Variants in PAX5 observed in about 807,000 individuals in gnomAD.
The protein encoded by PAX5 is paired box protein Pax-5.
PAX5 carries 9 observed loss-of-function variants against 43.7 expected under a neutral mutation model. That is an observed-to-expected ratio of 0.21 (90% CI 0.12 to 0.36). The LOEUF (loss-of-function observed/expected upper bound fraction) is 0.36, where lower values mean the gene tolerates loss of function less well. PAX5 is among the 10% of genes least tolerant of loss of function. The pLI is 1.00. For synonymous variants in PAX5, 228 were observed against 214.3 expected, an observed-to-expected ratio of 1.06 and a Z score of -0.56; for missense variants, 383 against 532.7, an observed-to-expected ratio of 0.72 and a Z score of 2.77.
chr9:36,949,885 A>T (rs192845518), intron 6 of PAX5, among the ~76,000 whole-genome samples: 29 of 152,252 alleles, frequency 1.9e-4, no homozygotes, highest in Admixed American at 3.9e-4. Context: ...AAATGCGGCC[A>T]TTCCTCCTGG....
At chr9:36,854,444 C>T (rs1310185313) in intron 8 of PAX5, among the ~76,000 whole-genome samples, 2 of 152,182 alleles carry the variant, frequency 1.3e-5, no homozygotes, top group East Asian at 3.8e-4. Flanking sequence ...CACACATACA[C>T]ACACACTGGA....
intron 6 of PAX5, among the ~76,000 whole-genome samples, chr9:36,948,854 C>T (rs919841907): frequency 2.0e-5 from 3 of 151,978 alleles, no homozygotes; most frequent in African/African-American, 7.3e-5. Flanking sequence ...CCCAGCCCTA[C>T]CCACCTGAGC....
intron 8 of PAX5, 109 bp downstream of exon 8, chr9:36,881,895 G>A (rs745391485): frequency 1.2e-6 from 1 of 821,996 alleles, no homozygotes; most frequent in Non-Finnish European, 2.0e-6. Context: ...ATTTATTCAG[G>A]TCCGCTTCTC....
intron 7 of PAX5, among the ~76,000 whole-genome samples, chr9:36,893,693 C>G (rs1563939774): frequency 6.6e-6 from 1 of 152,144 alleles, no homozygotes; most frequent in Non-Finnish European, 1.5e-5. Flanking sequence ...AGGACAGAGA[C>G]AGGAAAACAA....
In PAX5 at chr9:37,034,145, C is replaced by CA; in HGVS notation, c.-115dup. On this transcript the variant is annotated 5_prime_UTR_variant, in exon 1 of 10. Transcript: ENST00000358127. ...TTTTTTTGGTGCCAGGGGCCGCTCA[C>CA]AGGTCGGAATAATTCAAGCCTTCCG... 1 of 613,270 alleles carries CA rather than the reference C, an allele frequency of 1.6e-6. No homozygotes were observed. The highest frequency in any genetic ancestry group is 3.2e-5 in the East Asian group (1 of 31,632). The allele number at this position is 613,270 out of a possible 1,614,324, so 38.0% of individuals were successfully genotyped here.
chr9:36,981,984 G>A (rs1184787629), intron 5 of PAX5, among the ~76,000 whole-genome samples: 1 of 152,248 alleles, frequency 6.6e-6, no homozygotes, highest in Non-Finnish European at 1.5e-5. Flanking sequence ...AAGAACAAGG[G>A]ATGGACCCTG....
intron 5 of PAX5, among the ~76,000 whole-genome samples, chr9:36,969,949 C>T (rs1834796639): frequency 6.6e-6 from 1 of 152,214 alleles, no homozygotes; most frequent in African/African-American, 2.4e-5. Flanking sequence ...ATTAGTTATT[C>T]ATTGGTTTAA....
chr9:36,991,108 CA>C (rs58025570), intron 5 of PAX5, among the ~76,000 whole-genome samples: 28,566 of 142,150 alleles, frequency 0.2, 2,660 homozygotes, highest in South Asian at 0.3. Flanking sequence ...GACCTTGTCT[CA>C]AAAAAAAAAA....
At chr9:36,949,455 A>G (rs976567206) in intron 6 of PAX5, among the ~76,000 whole-genome samples, 1 of 152,250 alleles carries the variant, frequency 6.6e-6, no homozygotes, top group Non-Finnish European at 1.5e-5. Context: ...AACTTTGTAC[A>G]CAAAGGAAGA....
At chr9:36,974,189 A>C (rs1028388747) in intron 5 of PAX5, among the ~76,000 whole-genome samples, 1 of 152,090 alleles carries the variant, frequency 6.6e-6, no homozygotes, top group East Asian at 1.9e-4. Flanking sequence ...CTAAAAAAAA[A>C]CCAAATAATT....
In PAX5 at chr9:36,840,349, G is replaced by T; in HGVS notation, c.*211C>A. ...GGCCATCGGGAGAAGCTCATAGATT[G>T]GCTTTTAGAAATAGACAAGCATCCA... On this transcript the variant is annotated 3_prime_UTR_variant, in exon 10 of 10. Coordinates refer to ENST00000358127, the MANE Select transcript of PAX5 (RefSeq NM_016734.3). The T allele has an allele frequency of 1.6e-6, 1 of 622,202 alleles. No individual in the cohort carries two copies. The highest frequency in any genetic ancestry group is 2.9e-6 in the Non-Finnish European group (1 of 350,030). 38.5% of individuals were successfully genotyped at this position (622,202 alleles called of 1,614,324 possible).
intron 6 of PAX5, 72 bp downstream of exon 6, chr9:36,966,477 C>T: frequency 2.6e-6 from 4 of 1,537,474 alleles, no homozygotes; most frequent in Non-Finnish European, 3.6e-6. Flanking sequence ...CGCCAGATGC[C>T]TCTGCCTTCA....
chr9:37,012,314 T>C (rs759775015), intron 3 of PAX5, among the ~76,000 whole-genome samples: 1 of 152,200 alleles, frequency 6.6e-6, no homozygotes, highest in African/African-American at 2.4e-5. Flanking sequence ...CCTTTTACCG[T>C]TGGGAAACCT....
chr9:36,891,719 G>A (rs571489841), intron 7 of PAX5, among the ~76,000 whole-genome samples: 23 of 152,212 alleles, frequency 1.5e-4, no homozygotes, highest in Non-Finnish European at 2.8e-4. Flanking sequence ...TTTGGGTGGT[G>A]TTATTGACTT....
chr9:37,010,453 C>T (rs923191837), intron 3 of PAX5, among the ~76,000 whole-genome samples: 1 of 152,176 alleles, frequency 6.6e-6, no homozygotes, highest in Non-Finnish European at 1.5e-5. Context: ...GAAGCGCGGT[C>T]CCTCTGCTAA....
At chr9:36,840,678 C>T (rs1472212332) in intron 9 of PAX5, 42 bp from the exon 10 acceptor site, 3 of 1,281,900 alleles carry the variant, frequency 2.3e-6, no homozygotes, top group Non-Finnish European at 3.3e-6. Context: ...GATCCGGGGT[C>T]CCCTTTCCAC....
At chr9:36,969,890 T>C (rs1398070593) in intron 5 of PAX5, among the ~76,000 whole-genome samples, 2 of 152,236 alleles carry the variant, frequency 1.3e-5, no homozygotes, top group South Asian at 2.1e-4. Context: ...ATAATGGCAA[T>C]AGTGTCTGTC....
At chr9:37,002,929 C>T (rs2132400629) in intron 4 of PAX5, 153 bp from the exon 5 acceptor site, 1 of 891,720 alleles carries the variant, frequency 1.1e-6, no homozygotes, top group Non-Finnish European at 1.6e-6. Context: ...GCGGCCACAC[C>T]TGAGCCACGA....
At chr9:36,895,437 G>A (rs936367792) in intron 7 of PAX5, among the ~76,000 whole-genome samples, 1 of 152,242 alleles carries the variant, frequency 6.6e-6, no homozygotes, top group African/African-American at 2.4e-5. Context: ...CAGCCTAGCG[G>A]TGAAGGGCAA....
Sources: allele counts gnomAD v4.1 joint callset (sites outside exome capture counted in the v4.1 genomes callset), GRCh38; gene constraint gnomAD v4.1.1; transcripts MANE v1.5; gene names NCBI Gene and HGNC (gene_info 2026-07-23, HGNC 2026-07-21).